Variants in TTC28 observed in about 807,000 individuals in gnomAD.
TTC28 encodes tetratricopeptide repeat protein 28.
A neutral mutation model predicts 198.0 loss-of-function variants in TTC28; 61 were observed. The observed-to-expected ratio is 0.31, with a 90% CI of 0.25 to 0.38. The LOEUF is 0.38. Among genes scored for constraint, TTC28 ranks in the 10% least tolerant of loss-of-function variants. The pLI is 1.00. For missense variants in TTC28, 2,678 were observed against 3,164.0 expected (o/e 0.85, Z 3.69); for synonymous variants, 1,171 against 1,297.8 (o/e 0.90, Z 2.10).
intron 16 of TTC28, chr22:27,998,146 A>G (rs1937584265): frequency 8.7e-6 from 2 of 230,170 alleles, no homozygotes; most frequent in Admixed American, 1.0e-4. Context: ...ACACAGCTTC[A>G]GAGAGGGTAA....
At chr22:28,377,107 AC>A (rs1423160988) in intron 2 of TTC28, among the ~76,000 whole-genome samples, 3 of 139,746 alleles carry the variant, frequency 2.1e-5, no homozygotes, top group Non-Finnish European at 3.1e-5. Context: ...AAGTAAAAAA[AC>A]CCATGTAATA....
Position 28,629,577 on chromosome 22 carries a change from C to A in TTC28, c.356G>T (p.Arg119Leu), listed in dbSNP as rs1313388771. 6.4e-7 allele frequency: 1 copy of A among 1,550,968 alleles called. No homozygotes were observed. Among genetic ancestry groups the A allele is most frequent in the Non-Finnish European group, 8.7e-7 (1 of 1,146,742 alleles). Residue 119 changes from arginine (R) to leucine (L), a missense_variant, in exon 2 of 23, where the codon CGA becomes CTA. By Grantham distance (102) the Arg-to-Leu change is moderately radical (BLOSUM62 -2). Around this residue, in one of 8 missense-constraint regions of TTC28, gnomAD observed 176 missense variants for 197.9 expected, o/e 0.89. Coordinates refer to ENST00000397906, the MANE Select transcript of TTC28 (RefSeq NM_001145418.2). ...CTTTGGCCACTTGGGATTGAGAAGT[C>A]GAGCTTTGATTGCATCATCCAGTGC... Reference protein sequence around the residue: ...DKALDDAIKARLLNPKWPKAY... With the variant: ...DKALDDAIKALLLNPKWPKAY...
intron 5 of TTC28, among the ~76,000 whole-genome samples, chr22:28,286,486 C>A (rs1423273418): frequency 6.6e-6 from 1 of 152,086 alleles, no homozygotes; most frequent in Non-Finnish European, 1.5e-5. Flanking sequence ...ATTAAAACTA[C>A]CCACATTTTA....
intron 11 of TTC28, 98 bp from the exon 12 acceptor site, chr22:28,094,343 C>A: frequency 7.8e-7 from 1 of 1,286,406 alleles, no homozygotes; most frequent in Non-Finnish European, 1.0e-6. Context: ...TATGTGACTT[C>A]TTTGACAAGC....
intron 20 of TTC28, 79 bp downstream of exon 20, chr22:27,990,710 G>A: frequency 4.9e-6 from 7 of 1,430,292 alleles, no homozygotes; most frequent in Non-Finnish European, 6.6e-6. Flanking sequence ...CCCGAGCTCA[G>A]AGCCTGCCCA....
At chr22:28,200,122 G>C (rs1306500086) in intron 5 of TTC28, among the ~76,000 whole-genome samples, 2 of 151,896 alleles carry the variant, frequency 1.3e-5, no homozygotes. Flanking sequence ...ATATTGCCCA[G>C]GCTGGAATAC....
intron 12 of TTC28, among the ~76,000 whole-genome samples, chr22:28,053,473 C>T (rs997585126): frequency 6.6e-6 from 1 of 152,182 alleles, no homozygotes; most frequent in Non-Finnish European, 1.5e-5. Context: ...CAATAATCTG[C>T]ATCATTAAGA....
At chr22:28,296,567 G>A (rs1210534473) in intron 4 of TTC28, among the ~76,000 whole-genome samples, 1 of 152,102 alleles carries the variant, frequency 6.6e-6, no homozygotes, top group Non-Finnish European at 1.5e-5. Context: ...TGCAGACAGG[G>A]ACTTAGGTGT....
intron 5 of TTC28, among the ~76,000 whole-genome samples, chr22:28,165,644 C>T (rs560288397): frequency 6.6e-6 from 1 of 152,226 alleles, no homozygotes; most frequent in African/African-American, 2.4e-5. Context: ...ATTTTGTCAC[C>T]ACCAGGCCTG....
chr22:28,109,832 G>A (rs576079981), intron 6 of TTC28, among the ~76,000 whole-genome samples: 11 of 152,298 alleles, frequency 7.2e-5, no homozygotes, highest in African/African-American at 2.6e-4. Context: ...CTTTCCAGTG[G>A]TGACTAAAAC....
At chr22:28,473,506 G>C (rs2048124820) in intron 2 of TTC28, among the ~76,000 whole-genome samples, 1 of 152,154 alleles carries the variant, frequency 6.6e-6, no homozygotes, top group Non-Finnish European at 1.5e-5. Context: ...CAACTACCTA[G>C]AAGTTGCCAC....
chr22:28,264,237 G>A (rs1931529486), intron 5 of TTC28, among the ~76,000 whole-genome samples: 1 of 152,048 alleles, frequency 6.6e-6, no homozygotes, highest in Non-Finnish European at 1.5e-5. Flanking sequence ...TTTTATAAAG[G>A]GGAGTTCCCC....
chr22:28,160,758 G>A (rs1601404538), intron 6 of TTC28, among the ~76,000 whole-genome samples: 1 of 152,152 alleles, frequency 6.6e-6, no homozygotes, highest in African/African-American at 2.4e-5. Flanking sequence ...GAGGGGGTGA[G>A]CCTCCTTTTT....
chr22:28,165,262 T>C (rs1921789204), intron 5 of TTC28, among the ~76,000 whole-genome samples: 1 of 152,188 alleles, frequency 6.6e-6, no homozygotes, highest in African/African-American at 2.4e-5. Flanking sequence ...CTGCAGGGTA[T>C]TATCCAGGAG....
intron 5 of TTC28, among the ~76,000 whole-genome samples, chr22:28,244,218 T>A (rs1028369786): frequency 4.0e-5 from 6 of 150,324 alleles, no homozygotes; most frequent in African/African-American, 1.2e-4. Flanking sequence ...CTGAGGGGAG[T>A]GACAGAATGA....
chr22:28,388,673 A>G (rs1217013714), intron 2 of TTC28, among the ~76,000 whole-genome samples: 1 of 152,118 alleles, frequency 6.6e-6, no homozygotes, highest in Non-Finnish European at 1.5e-5. Flanking sequence ...AACGCTTGTG[A>G]CTTTTGTACA....
Position 28,398,789 on chromosome 22 carries a change from T to C in TTC28, c.382-92146A>G. 1.3e-5 allele frequency among the ~76,000 whole-genome samples: 2 copies of C among 152,198 alleles called. 1 individual carries two copies. Among genetic ancestry groups the C allele is most frequent in the Non-Finnish European group, 2.9e-5 (2 of 68,042 alleles). ...TGGAACCTACCCCCCAAATAAGGTA[T>C]AGCTTCATAATAATATTTTTCTCAA... On this transcript the variant is annotated intron_variant, in intron 2 of 22. Transcript: ENST00000397906.
intron 2 of TTC28, chr22:28,460,074 T>C (rs2047924607): frequency 6.6e-6 from 1 of 152,132 alleles, no homozygotes; most frequent in Admixed American, 6.6e-5. Flanking sequence ...AAAAAAATAA[T>C]AGAAGTGAAA....
intron 21 of TTC28, 70 bp downstream of exon 21, chr22:27,989,808 C>G (rs1937334214): frequency 7.3e-6 from 11 of 1,509,498 alleles, no homozygotes; most frequent in Non-Finnish European, 9.8e-6. Context: ...CCAACAGAAA[C>G]CAGGAGGAAA....
Sources: gnomAD v4.1 joint callset for allele counts (sites outside exome capture counted in the v4.1 genomes callset) on GRCh38, gnomAD v4.1.1 for gene constraint, gnomAD v4.1.1 regional missense constraint, MANE v1.5 for transcripts, NCBI Gene and HGNC (gene_info 2026-07-23, HGNC 2026-07-21) for gene names.